Variants in SUGP1 observed in about 807,000 individuals in gnomAD.
SUGP1 encodes the protein SURP and G-patch domain-containing protein 1.
A neutral mutation model predicts 76.5 loss-of-function variants in SUGP1; 34 were observed. That is an observed-to-expected ratio of 0.44 (90% CI 0.34 to 0.59). SUGP1 has a LOEUF of 0.59. Among genes scored for constraint, SUGP1 ranks in the 20% least tolerant of loss-of-function variants. SUGP1 has a pLI of 0.01. For missense variants in SUGP1, 752 were observed against 851.7 expected (o/e 0.88, Z 1.46); for synonymous variants, 326 against 326.2 (o/e 1.00, Z 0.01).
chr19:19,307,089 G>A (rs1016532554), intron 3 of SUGP1, among the ~76,000 whole-genome samples: 18 of 151,982 alleles, frequency 1.2e-4, no homozygotes, highest in African/African-American at 3.6e-4. Context: ...TATCACCCAG[G>A]CTGAAGTGCA....
Position 19,285,079 on chromosome 19 carries a change from G to A in SUGP1, c.1244-4788C>T, listed in dbSNP as rs1047691982. ...AGACGGGGTTTCACCGTGTTAGCCA[G>A]GATGGTCTCGATCTCCTGACCTCGT... On this transcript the variant is annotated intron_variant, in intron 8 of 13. Coordinates refer to ENST00000247001, the MANE Select transcript of SUGP1 (RefSeq NM_172231.4). Among the ~76,000 whole-genome samples the A allele has an allele frequency of 4.0e-5, 6 of 151,856 alleles. No individual in the cohort carries two copies. The East Asian group carries it at 1.2e-3, about 29-fold the overall frequency.
At chr19:19,277,230 A>AG (rs1456451437) in intron 12 of SUGP1, among the ~76,000 whole-genome samples, 154 bp from the exon 13 acceptor site, 1 of 32,974 alleles carries the variant, frequency 3.0e-5, no homozygotes, top group Non-Finnish European at 7.3e-5. Context: ...ATGGTCAAGG[A>AG]GGGGAGACCC....
rs751975547 is a variant in SUGP1 at position 19,303,889 on chromosome 19, C to A, written c.539-42G>T. The A allele has an allele frequency of 1.9e-6, 3 of 1,612,276 alleles. No individual in the cohort carries two copies. In the African/African-American group the frequency reaches 4.0e-5, roughly 21 times the overall value. ...AGTACTGGGGTTCAACTCACACACCCCACAGTCAATAGGCACACTCTCTCT... is the reference window on the plus strand; with the variant it reads ...AGTACTGGGGTTCAACTCACACACCACACAGTCAATAGGCACACTCTCTCT... On this transcript the variant is annotated intron_variant, in intron 4 of 13. Coordinates refer to ENST00000247001, the MANE Select transcript of SUGP1 (RefSeq NM_172231.4).
intron 2 of SUGP1, 32 bp from the exon 3 acceptor site, chr19:19,310,232 G>C (rs767202957): frequency 1.3e-6 from 2 of 1,556,480 alleles, no homozygotes; most frequent in Non-Finnish European, 1.8e-6. Context: ...GAGAGGGTGA[G>C]CTGGCTAGAG....
Position 19,277,055 on chromosome 19 carries a change from G to C in SUGP1, c.1803C>G (p.Gly601=). The C allele has an allele frequency of 6.2e-7, 1 of 1,611,452 alleles. No individual in the cohort carries two copies. The highest frequency in any genetic ancestry group is 8.5e-7 in the Non-Finnish European group (1 of 1,179,728). ...CCGGCCGGTCAATGCCGAAGCCAGC[G>C]CCGTCCACTGTGGTGGTGCCCCTAC... ...PVNKGTTTVD[G]AGFGIDRPAE... The change falls in exon 13 of 14, where the codon GGC becomes GGG. Residue 601 remains glycine, a synonymous_variant. Coordinates refer to ENST00000247001, the MANE Select transcript of SUGP1 (RefSeq NM_172231.4).
rs756135509 is a variant in SUGP1 at position 19,280,176 on chromosome 19, C to T, written c.1350+9G>A. 25 of 1,613,230 alleles carry T rather than the reference C, an allele frequency of 1.5e-5. No homozygotes were observed. The East Asian group carries it at 5.6e-4, about 36-fold the overall frequency. ...CCATGTCCCCGTCCCCTTGTCCCCG[C>T]AGTCTTACCTCCTGCTGCTCCTTCA... is the stretch of plus-strand genomic sequence containing the variant. On this transcript the variant is annotated intron_variant, in intron 9 of 13. Coordinates refer to ENST00000247001, the MANE Select transcript of SUGP1 (RefSeq NM_172231.4).
intron 1 of SUGP1, among the ~76,000 whole-genome samples, chr19:19,320,207 G>C (rs1230891041): frequency 6.6e-6 from 1 of 152,208 alleles, no homozygotes; most frequent in Non-Finnish European, 1.5e-5. Flanking sequence ...CGGTTGTTTC[G>C]GAAACGGGAC....
intron 6 of SUGP1, among the ~76,000 whole-genome samples, chr19:19,302,706 AGGGGGTGCTGTT>A: frequency 6.6e-6 from 1 of 152,216 alleles, no homozygotes; most frequent in Non-Finnish European, 1.5e-5. Context: ...TCACATGGTT[AGGGGGTGCTGTT>A]GGGCCTCCTC....
intron 8 of SUGP1, among the ~76,000 whole-genome samples, chr19:19,283,750 G>A (rs574233459): frequency 9.2e-5 from 14 of 151,590 alleles, no homozygotes; most frequent in Non-Finnish European, 1.5e-4. Flanking sequence ...CACCACGTCC[G>A]GCCAATTTTG....
chr19:19,287,418 C>T (rs1482004260), intron 8 of SUGP1, among the ~76,000 whole-genome samples: 3 of 151,848 alleles, frequency 2.0e-5, no homozygotes, highest in African/African-American at 4.8e-5. Flanking sequence ...AAAAATTAGC[C>T]GGGCATGGTG....
intron 4 of SUGP1, chr19:19,305,624 C>A (rs1007490054): frequency 8.6e-6 from 4 of 464,414 alleles, no homozygotes; most frequent in Non-Finnish European, 1.5e-5. Context: ...CCGCTGCTCC[C>A]AAGATGAAGC....
At chr19:19,317,101 G>A (rs1347625143) in intron 1 of SUGP1, among the ~76,000 whole-genome samples, 2 of 149,760 alleles carry the variant, frequency 1.3e-5, no homozygotes, top group East Asian at 3.9e-4. Flanking sequence ...TGGTGCCACT[G>A]CACTCCAGCC....
intron 4 of SUGP1, chr19:19,304,104 T>C (rs2061296157): frequency 2.2e-6 from 3 of 1,339,866 alleles, no homozygotes; most frequent in African/African-American, 1.5e-5. Flanking sequence ...TAGCAGAAAA[T>C]ATATCCAGCT....
At chr19:19,277,485 C>A (rs974250562) in intron 12 of SUGP1, among the ~76,000 whole-genome samples, 9 of 152,154 alleles carry the variant, frequency 5.9e-5, no homozygotes, top group African/African-American at 2.2e-4. Flanking sequence ...CCATCTGTAC[C>A]CTCACCCACC....
At chr19:19,303,595 C>T in intron 5 of SUGP1, 129 bp downstream of exon 5, 8 of 1,392,862 alleles carry the variant, frequency 5.7e-6, no homozygotes, top group Middle Eastern at 1.8e-4. Flanking sequence ...CCACTTGTCA[C>T]TTCTGGTGAG....
At chr19:19,300,165 T>C (rs2061260137) in intron 7 of SUGP1, among the ~76,000 whole-genome samples, 1 of 152,178 alleles carries the variant, frequency 6.6e-6, no homozygotes. Context: ...AACCTTTGCC[T>C]CCTGGGTTCA....
intron 2 of SUGP1, among the ~76,000 whole-genome samples, chr19:19,311,161 G>A (rs2061350419): frequency 1.3e-5 from 2 of 151,510 alleles, no homozygotes; most frequent in African/African-American, 2.4e-5. Flanking sequence ...CAAGTCACTA[G>A]GACTAAAGGC....
At chr19:19,288,017 G>A (rs1474486477) in intron 8 of SUGP1, among the ~76,000 whole-genome samples, 6 of 151,958 alleles carry the variant, frequency 3.9e-5, no homozygotes, top group Non-Finnish European at 7.4e-5. Flanking sequence ...ATCCATGTCC[G>A]CTTCATAAAT....
intron 1 of SUGP1, 82 bp from the exon 2 acceptor site, chr19:19,316,675 T>C: frequency 6.9e-7 from 1 of 1,456,680 alleles, no homozygotes; most frequent in Non-Finnish European, 9.4e-7. Flanking sequence ...AGAGAGCAAC[T>C]GATGTTCAGA....
Sources: gnomAD v4.1 joint callset for allele counts (sites outside exome capture counted in the v4.1 genomes callset) on GRCh38, gnomAD v4.1.1 for gene constraint, MANE v1.5 for transcripts, NCBI Gene and HGNC (gene_info 2026-07-23, HGNC 2026-07-21) for gene names.